Variants in NOL4L observed in about 807,000 individuals in gnomAD.
NOL4L encodes nucleolar protein 4-like.
A neutral mutation model predicts 64.5 loss-of-function variants in NOL4L; 7 were observed. That is an observed-to-expected ratio of 0.11 (90% CI 0.06 to 0.20). The LOEUF (loss-of-function observed/expected upper bound fraction) is 0.20, where lower values mean the gene tolerates loss of function less well. NOL4L is among the 10% of genes least tolerant of loss of function. The pLI is 1.00. For missense variants in NOL4L, 680 were observed against 967.1 expected (o/e 0.70, Z 3.94); for synonymous variants, 413 against 401.0 (o/e 1.03, Z -0.36).
intron 3 of NOL4L, among the ~76,000 whole-genome samples, chr20:32,514,876 C>T (rs2017580478): frequency 1.3e-5 from 2 of 152,042 alleles, no homozygotes; most frequent in African/African-American, 2.4e-5. Context: ...AGCTGTTAAG[C>T]ACCATGGTGA....
chr20:32,485,355 C>T (rs757794251), intron 4 of NOL4L, among the ~76,000 whole-genome samples: 2 of 152,156 alleles, frequency 1.3e-5, no homozygotes, highest in Non-Finnish European at 2.9e-5. Flanking sequence ...ACAAGGCTCC[C>T]TCTACAGCCG....
In NOL4L at chr20:32,453,164, T is replaced by A; in HGVS notation, c.1497+140A>T. 1 of 1,413,454 alleles carries A rather than the reference T, an allele frequency of 7.1e-7. No homozygotes were observed. The highest frequency in any genetic ancestry group is 1.4e-5 in the African/African-American group (1 of 70,362). The allele number at this position is 1,413,454 out of a possible 1,614,324, so 87.6% of individuals were successfully genotyped here. A position where few individuals can be genotyped will look rare whatever the true frequency, so the allele number is the denominator to read the frequency against. On this transcript the variant is annotated intron_variant, in intron 8 of 10. Transcript: ENST00000621426. This position sits in a 1 kb window ranked among gnomAD's most constrained non-coding sequence, Gnocchi z 5.6. ...ATCTTTCTGGGCCTTAGTTCCCTCATTTGCAAACCAGGGATTATGGTACTT... is the reference window on the plus strand; with the variant it reads ...ATCTTTCTGGGCCTTAGTTCCCTCAATTGCAAACCAGGGATTATGGTACTT...
At chr20:32,494,252 G>GAAAAAAAAAAAAAAAAAAAAA (rs1568654908) in intron 4 of NOL4L, among the ~76,000 whole-genome samples, 2 of 27,094 alleles carry the variant, frequency 7.4e-5, no homozygotes, top group African/African-American at 3.1e-4. Context: ...GATAATCTCG[G>GAAAAAAAAAAAAAAAAAAAAA]GAAAAAAAAA....
chr20:32,488,845 T>TCTCTCTC (rs2016305818), intron 4 of NOL4L, among the ~76,000 whole-genome samples: 1 of 90,580 alleles, frequency 1.1e-5, no homozygotes, highest in South Asian at 3.4e-4. Flanking sequence ...CTTTCTTTCT[T>TCTCTCTC]TCTTTCTTTC....
At chr20:32,555,239 C>A (rs900391832) in intron 1 of NOL4L, among the ~76,000 whole-genome samples, 18 of 151,708 alleles carry the variant, frequency 1.2e-4, no homozygotes, top group African/African-American at 4.1e-4. Context: ...CTGAATTGTG[C>A]CCCCTCCAAT....
Position 32,447,477 on chromosome 20 carries a change from A to G in NOL4L, c.*119T>C, listed in dbSNP as rs2012398392. ...AGGTGCTTGGAGTGTGGCTAGAAAC[A>G]GCTCTTTTGGATCCCACCTCTTTCA... On this transcript the variant is annotated 3_prime_UTR_variant, in exon 11 of 11. Transcript: ENST00000621426. 4.4e-6 allele frequency: 6 copies of G among 1,369,282 alleles called. No individual in the cohort carries two copies. The highest frequency in any genetic ancestry group is 4.9e-5 in the Admixed American group (2 of 41,078). 84.8% of individuals were successfully genotyped at this position (1,369,282 alleles called of 1,614,324 possible).
At chr20:32,516,365 C>T (rs997662540) in intron 3 of NOL4L, among the ~76,000 whole-genome samples, 27 of 152,038 alleles carry the variant, frequency 1.8e-4, no homozygotes, top group Admixed American at 1.2e-3. Flanking sequence ...GCATGCTATC[C>T]GGGTGGGGAA....
At chr20:32,528,173 T>C (rs1300137482) in intron 1 of NOL4L, among the ~76,000 whole-genome samples, 3 of 152,172 alleles carry the variant, frequency 2.0e-5, no homozygotes, top group Non-Finnish European at 4.4e-5. Flanking sequence ...AGAGGCTCCA[T>C]GTTCACAATT....
chr20:32,582,918 C>G (rs1435966448), intron 1 of NOL4L, among the ~76,000 whole-genome samples: 1 of 151,938 alleles, frequency 6.6e-6, no homozygotes, highest in African/African-American at 2.4e-5. Flanking sequence ...CTGATTTGGG[C>G]TGGGGGAGGG....
chr20:32,531,414 GGCTGGAGT>G (rs775151315), intron 1 of NOL4L, among the ~76,000 whole-genome samples: 6 of 151,262 alleles, frequency 4.0e-5, no homozygotes, highest in Non-Finnish European at 8.8e-5. Flanking sequence ...TCTGCCATCA[GGCTGGAGT>G]GCTCACTGCA....
chr20:32,521,085 C>T (rs1036534693), intron 2 of NOL4L, among the ~76,000 whole-genome samples, 163 bp from the exon 3 acceptor site: 9 of 152,146 alleles, frequency 5.9e-5, no homozygotes, highest in Non-Finnish European at 1.3e-4. Context: ...TCAGCTGTGG[C>T]AATGAGACAG....
chr20:32,467,450 G>A (rs747499886), intron 5 of NOL4L, among the ~76,000 whole-genome samples: 5 of 152,256 alleles, frequency 3.3e-5, no homozygotes, highest in African/African-American at 7.2e-5. Context: ...AGCACAACCC[G>A]GGCGGTGGTT....
chr20:32,497,623 T>C (rs1276363825), intron 4 of NOL4L, among the ~76,000 whole-genome samples: 1 of 152,172 alleles, frequency 6.6e-6, no homozygotes, highest in African/African-American at 2.4e-5. Flanking sequence ...ACGAATCCCT[T>C]CTGGGTCTTG....
At chr20:32,555,567 G>A (rs995299728) in intron 1 of NOL4L, among the ~76,000 whole-genome samples, 9 of 151,986 alleles carry the variant, frequency 5.9e-5, no homozygotes, top group African/African-American at 2.2e-4. Context: ...CAAAGTGCTA[G>A]GATGTCACAG....
At position 32,456,407 on chromosome 20, in the gene NOL4L, G is replaced by A; in HGVS notation, c.842-12C>T. ...AGAGGAGGAGTCATCTGGAATGAGA[G>A]GCCTGGGTGTGAGGCCCCACCCAAG... On this transcript the variant is annotated splice_polypyrimidine_tract_variant and intron_variant, in intron 5 of 10. Coordinates refer to ENST00000621426, the MANE Select transcript of NOL4L (RefSeq NM_001256798.2). 2.1e-6 allele frequency: 3 copies of A among 1,455,202 alleles called. No homozygotes were observed. The highest frequency in any genetic ancestry group is 1.5e-5 in the African/African-American group (1 of 68,940). 90.1% of individuals were successfully genotyped at this position (1,455,202 alleles called of 1,614,324 possible).
intron 1 of NOL4L, among the ~76,000 whole-genome samples, chr20:32,562,869 C>T (rs1415557293): frequency 7.4e-6 from 1 of 134,284 alleles, no homozygotes; most frequent in Non-Finnish European, 1.6e-5. Flanking sequence ...CCAGAAGCTA[C>T]TGTGTTCCTA....
At position 32,453,255 on chromosome 20, in the gene NOL4L, G is replaced by A. The variant is rs1450106937; in HGVS notation, c.1497+49C>T. On this transcript the variant is annotated intron_variant, in intron 8 of 10. Transcript: ENST00000621426. This position sits in a 1 kb window ranked among gnomAD's most constrained non-coding sequence, Gnocchi z 5.6. Reference sequence around the variant, plus strand: ...GGGCATCCTGGGAGTGTGGCAGGAGGTCAGTAGTGGCACCGAGGGAAAGTG... The same window carrying A: ...GGGCATCCTGGGAGTGTGGCAGGAGATCAGTAGTGGCACCGAGGGAAAGTG... 13 of 1,587,352 alleles carry A rather than the reference G, an allele frequency of 8.2e-6. No individual in the cohort carries two copies. Among genetic ancestry groups the A allele is most frequent in the Non-Finnish European group, 1.1e-5 (13 of 1,163,186 alleles).
At chr20:32,473,258 C>T (rs572437791) in intron 5 of NOL4L, among the ~76,000 whole-genome samples, 6 of 152,312 alleles carry the variant, frequency 3.9e-5, no homozygotes, top group East Asian at 1.9e-4. Flanking sequence ...CTGCAGGCAC[C>T]GCCCTCAGTG....
intron 1 of NOL4L, among the ~76,000 whole-genome samples, chr20:32,544,950 T>G (rs2018711938): frequency 6.6e-6 from 1 of 152,160 alleles, no homozygotes. Context: ...GTCACCTGCC[T>G]AAAAGCACAC....
Sources: allele counts gnomAD v4.1 joint callset (sites outside exome capture counted in the v4.1 genomes callset), GRCh38; gene constraint gnomAD v4.1.1; non-coding constraint Gnocchi (gnomAD v3.1); transcripts MANE v1.5; gene names NCBI Gene and HGNC (gene_info 2026-07-23, HGNC 2026-07-21).